PITRM1: variants seen among roughly 807,000 people sequenced by gnomAD.
The protein encoded by PITRM1 is pitrilysin metallopeptidase 1.
In PITRM1, 100 loss-of-function variants were observed where a neutral mutation model predicts 129.9. The observed-to-expected ratio is 0.77, with a 90% CI of 0.65 to 0.91. The LOEUF (loss-of-function observed/expected upper bound fraction) is 0.91, where lower values mean the gene tolerates loss of function less well. Among genes scored for constraint, PITRM1 ranks in the 40% least tolerant of loss-of-function variants. PITRM1 has a pLI of 0.00. For synonymous variants in PITRM1, 591 were observed against 508.8 expected, an observed-to-expected ratio of 1.16 and a Z score of -2.17; for missense variants, 1,471 against 1,318.3, an observed-to-expected ratio of 1.12 and a Z score of -1.79.
At chr10:3,172,783 G>T, upstream of PITRM1, 3 of 1,536,376 alleles carry the variant, frequency 2.0e-6, no homozygotes, top group East Asian at 2.5e-5. Context: ...TGCGCATGAC[G>T]AGCACCTGGC....
At position 3,138,354 on chromosome 10, in the gene PITRM1, A is replaced by G. The variant is rs1564377409; in HGVS notation, c.2918-17T>C. The G allele has an allele frequency of 7.0e-6, 11 of 1,580,098 alleles. No homozygotes were observed. The highest frequency in any genetic ancestry group is 8.7e-6 in the Non-Finnish European group (10 of 1,149,412). Reference sequence around the variant, plus strand: ...GGTCCATTCCTAGAAGACAATCCACAGGCACGATGGAGCCGCTGCCCGGGA... The same window carrying G: ...GGTCCATTCCTAGAAGACAATCCACGGGCACGATGGAGCCGCTGCCCGGGA... On this transcript the variant is annotated splice_polypyrimidine_tract_variant and intron_variant, in intron 25 of 26. Coordinates refer to ENST00000224949, the MANE Select transcript of PITRM1 (RefSeq NM_014889.4).
intron 21 of PITRM1, among the ~76,000 whole-genome samples, chr10:3,144,600 T>C (rs1840652835): frequency 6.6e-6 from 1 of 152,156 alleles, no homozygotes; most frequent in Non-Finnish European, 1.5e-5. Context: ...TCCAGGAGTC[T>C]GAGACCAGCC....
At position 3,148,051 on chromosome 10, in the gene PITRM1, A is replaced by G; in HGVS notation, c.2005T>C (p.Ser669Pro). ...AGGTTTCGATCCAGGCAGAGAGAGG[A>G]GAAAAGCACACCCTGAACCAAAGAA... ...MDTYEQGVLF[S>P]SLCLDRNLPD... The change falls in exon 18 of 27, where the codon TCC becomes CCC. Residue 669 changes from serine (S) to proline (P), a missense_variant. Physicochemically the swap from Ser to Pro is moderately conservative, Grantham distance 74. Coordinates refer to ENST00000224949, the MANE Select transcript of PITRM1 (RefSeq NM_014889.4). 1 of 1,613,820 alleles carries G rather than the reference A, an allele frequency of 6.2e-7. No individual in the cohort carries two copies.
Position 3,149,696 on chromosome 10 carries a change from C to G in PITRM1, c.1796G>C (p.Arg599Pro). 1 of 1,611,368 alleles carries G rather than the reference C, an allele frequency of 6.2e-7. No individual in the cohort carries two copies. Residue 599 changes from arginine to proline, a missense_variant, in exon 16 of 27, where the codon CGG (arginine) becomes CCG (proline). By Grantham distance (103) the Arg-to-Pro change is moderately radical. Coordinates refer to ENST00000224949, the MANE Select transcript of PITRM1 (RefSeq NM_014889.4). Reference protein sequence around the residue: ...AQPTNGMVYFRAFSSLNTLPE... With the variant: ...AQPTNGMVYFPAFSSLNTLPE... ...GAGTGTGTTCAGGCTGGAGAAGGCC[C>G]GGAAATACACCATGCCATTGGTGGG...
intron 16 of PITRM1, 63 bp from the exon 17 acceptor site, chr10:3,148,354 T>A: frequency 6.6e-7 from 1 of 1,525,398 alleles, no homozygotes; most frequent in Non-Finnish European, 8.8e-7. Context: ...ATTTTTAAAA[T>A]CGTGCATCTT....
chr10:3,150,992 G>A (rs567271975), intron 15 of PITRM1, among the ~76,000 whole-genome samples: 2 of 152,082 alleles, frequency 1.3e-5, no homozygotes, highest in Non-Finnish European at 1.5e-5. Flanking sequence ...CTAGAAGCAG[G>A]AAATCAGAGC....
At chr10:3,139,177 C>T in intron 24 of PITRM1, 128 bp from the exon 25 acceptor site, 1 of 785,916 alleles carries the variant, frequency 1.3e-6, no homozygotes, top group Admixed American at 2.3e-5. Context: ...TGATTTAGTC[C>T]AAACAGCCCA....
rs367799387 is a variant in PITRM1, at chr10:3,159,953, C to T, written c.919-17G>A. ...GAATTCCCTCTGTAAAATGACGTGA[C>T]GTTGTGAGTAGGCACAGTGTCTGAC... On this transcript the variant is annotated splice_polypyrimidine_tract_variant and intron_variant, in intron 8 of 26. Coordinates refer to ENST00000224949, the MANE Select transcript of PITRM1 (RefSeq NM_014889.4). 136 of 1,541,186 alleles carry T rather than the reference C, an allele frequency of 8.8e-5. No individual in the cohort carries two copies. Among genetic ancestry groups the T allele is most frequent in the Non-Finnish European group, 1.1e-4 (125 of 1,125,650 alleles).
At chr10:3,142,612 G>C (rs114004201) in intron 23 of PITRM1, among the ~76,000 whole-genome samples, 1 of 152,258 alleles carries the variant, frequency 6.6e-6, no homozygotes. Context: ...GGCAGCCAGA[G>C]TTCGGAAGAA....
At chr10:3,161,409 C>A (rs903975660) in intron 7 of PITRM1, among the ~76,000 whole-genome samples, 2 of 152,176 alleles carry the variant, frequency 1.3e-5, no homozygotes, top group Admixed American at 1.3e-4. Context: ...CAGAATTTAT[C>A]TTTTTCTTTA....
intron 10 of PITRM1, among the ~76,000 whole-genome samples, chr10:3,158,474 C>G (rs1009455342): frequency 6.6e-6 from 1 of 152,116 alleles, no homozygotes; most frequent in African/African-American, 2.4e-5. Flanking sequence ...GGTGTGAACC[C>G]GGGAGGTGGA....
chr10:3,137,821 G>T lies in PITRM1; in HGVS notation c.*210C>A. ...GTACAAAGTGAAAATTCTACATGGT[G>T]CATCTTTGGCGCTTCATGCATGATT... On this transcript the variant is annotated 3_prime_UTR_variant, in exon 27 of 27. Transcript: ENST00000224949. The T allele has an allele frequency of 1.8e-6, 1 of 560,196 alleles. No individual in the cohort carries two copies. Among genetic ancestry groups the T allele is most frequent in the Non-Finnish European group, 3.2e-6 (1 of 312,492 alleles). 34.7% of individuals were successfully genotyped at this position (560,196 alleles called of 1,614,324 possible). A position where few individuals can be genotyped will look rare whatever the true frequency, so the allele number is the denominator to read the frequency against.
intron 9 of PITRM1, among the ~76,000 whole-genome samples, chr10:3,159,602 C>T (rs1842272014): frequency 6.6e-6 from 1 of 152,192 alleles, no homozygotes; most frequent in Non-Finnish European, 1.5e-5. Flanking sequence ...AGGAATAAAG[C>T]TTTGAAATAC....
chr10:3,158,665 T>C (rs1309612575), intron 10 of PITRM1, among the ~76,000 whole-genome samples: 2 of 152,200 alleles, frequency 1.3e-5, no homozygotes, highest in Admixed American at 6.5e-5. Context: ...AAATGTCCCC[T>C]TGGGGGGACA....
rs1418052967 is a variant in PITRM1 at position 3,158,120 on chromosome 10, A to G, written c.1170T>C (p.Ser390=). ...YNGYTREAYF[S]VGLQGIAEKD... The stretch of plus-strand genomic sequence containing the variant: ...TCTCCGCAATCCCTTGGAGGCCGAC[A>G]CTAAAGTAGGCCTCCCTCGTGTAGC... Residue 390 remains serine (S), a synonymous_variant, in exon 11 of 27, where the codon AGT becomes AGC. Coordinates refer to ENST00000224949, the MANE Select transcript of PITRM1 (RefSeq NM_014889.4). The G allele has an allele frequency of 6.2e-7, 1 of 1,608,188 alleles. No individual in the cohort carries two copies. Among genetic ancestry groups the G allele is most frequent in the Admixed American group, 1.7e-5 (1 of 59,632 alleles).
intron 25 of PITRM1, 138 bp from the exon 26 acceptor site, chr10:3,138,475 C>A: frequency 1.5e-6 from 1 of 681,700 alleles, no homozygotes; most frequent in Non-Finnish European, 2.6e-6. Flanking sequence ...ATGTGTCTAA[C>A]AACCCAGAGA....
Position 3,163,755 on chromosome 10 carries a change from T to A in PITRM1, c.761A>T (p.His254Leu). The change falls in exon 7 of 27, where the codon CAT (histidine) becomes CTT (leucine). Residue 254 changes from histidine to leucine, a missense_variant. Coordinates refer to ENST00000224949, the MANE Select transcript of PITRM1 (RefSeq NM_014889.4). Reference protein sequence around the residue: ...ELTWEQLKQFHATHYHPSNAR... With the variant: ...ELTWEQLKQFLATHYHPSNAR... ...ATTGCTTGGGTGATAGTGAGTGGCATGAAACTGCTTAAGCTGCTCCCATGT... is the reference window on the plus strand; with the variant it reads ...ATTGCTTGGGTGATAGTGAGTGGCAAGAAACTGCTTAAGCTGCTCCCATGT... 6.2e-7 allele frequency: 1 copy of A among 1,612,302 alleles called. No homozygotes were observed. The highest frequency in any genetic ancestry group is 8.5e-7 in the Non-Finnish European group (1 of 1,179,288).
chr10:3,156,728 A>G (rs1842014336), intron 13 of PITRM1, among the ~76,000 whole-genome samples: 1 of 152,358 alleles, frequency 6.6e-6, no homozygotes, highest in South Asian at 2.1e-4. Flanking sequence ...AAAAATGCAC[A>G]TATACATTTA....
rs1417744192 is a variant in PITRM1, at chr10:3,148,235, G to A, written c.1928C>T (p.Thr643Ile). The A allele has an allele frequency of 2.5e-6, 4 of 1,613,886 alleles. No individual in the cohort carries two copies. The African/African-American group carries it at 5.3e-5, about 22-fold the overall frequency. ...REQAQQIELK[T>I]GGMSASPHVL... ...GTGGGGAGAAGCACTCATCCCTCCG[G>A]TCTTCAATTCTATCTGCTGAGCCTG... Residue 643 changes from threonine (T) to isoleucine (I), a missense_variant, in exon 17 of 27, where the codon ACC becomes ATC. Coordinates refer to ENST00000224949, the MANE Select transcript of PITRM1 (RefSeq NM_014889.4).
Sources: allele counts gnomAD v4.1 joint callset (sites outside exome capture counted in the v4.1 genomes callset), GRCh38; gene constraint gnomAD v4.1.1; transcripts MANE v1.5; gene names NCBI Gene and HGNC (gene_info 2026-07-23, HGNC 2026-07-21).